Variants in ADGRL3 observed in about 807,000 individuals in gnomAD.
ADGRL3 encodes the protein adhesion G protein-coupled receptor L3, also known as calcium-independent alpha-latrotoxin receptor 3.
Under a neutral mutation model 153.5 loss-of-function variants are expected in ADGRL3, and 62 were observed. That is an observed-to-expected ratio of 0.40 (90% confidence interval 0.33 to 0.50). The LOEUF is 0.50. ADGRL3 is among the 20% of genes least tolerant of loss of function. The pLI is 0.47. For synonymous variants in ADGRL3, 710 were observed against 672.5 expected (o/e 1.06, Z -0.86); for missense variants, 1,641 against 1,859.4 (o/e 0.88, Z 2.16).
At chr4:61,906,797 G>T (rs1430564916) in intron 11 of ADGRL3, among the ~76,000 whole-genome samples, 2 of 151,392 alleles carry the variant, frequency 1.3e-5, no homozygotes, top group Non-Finnish European at 2.9e-5. Flanking sequence ...GTTCTAATCA[G>T]TTTAATTAAT....
At chr4:62,003,562 C>T (rs1016289047) in intron 21 of ADGRL3, among the ~76,000 whole-genome samples, 24 of 152,074 alleles carry the variant, frequency 1.6e-4, no homozygotes, top group African/African-American at 5.6e-4. Flanking sequence ...GTGATAATTA[C>T]ATGAAATCAC....
intron 2 of ADGRL3, among the ~76,000 whole-genome samples, chr4:61,463,444 A>C (rs1027476141): frequency 1.5e-4 from 23 of 152,098 alleles, no homozygotes; most frequent in African/African-American, 4.8e-4. Flanking sequence ...GACTTTTAAC[A>C]ACCAGATCTC....
rs377171934 is a variant in ADGRL3 at position 61,668,806 on chromosome 4, C to A, written c.474-8020C>A. On this transcript the variant is annotated intron_variant, in intron 5 of 26. Transcript: ENST00000683033. Reference sequence around the variant, plus strand: ...GCTGAGGTGGGAGGATTGCTTGAGCCCAGGAGTTTGAGACCAGCCTAGGTA... The same window carrying A: ...GCTGAGGTGGGAGGATTGCTTGAGCACAGGAGTTTGAGACCAGCCTAGGTA... 1.5e-4 allele frequency among the ~76,000 whole-genome samples: 23 copies of A among 152,114 alleles called. 1 individual carries two copies. Among genetic ancestry groups the A allele is most frequent in the African/African-American group, 5.5e-4 (23 of 41,482 alleles).
chr4:61,486,130 G>C (rs1206658139), intron 2 of ADGRL3, among the ~76,000 whole-genome samples: 2 of 152,014 alleles, frequency 1.3e-5, no homozygotes, highest in Non-Finnish European at 2.9e-5. Context: ...ATTTTTAGTA[G>C]AGACGGAGTT....
intron 1 of ADGRL3, among the ~76,000 whole-genome samples, chr4:61,376,804 A>G (rs2096608679): frequency 6.6e-6 from 1 of 152,196 alleles, no homozygotes; most frequent in African/African-American, 2.4e-5. Context: ...GACAATGGCT[A>G]CATAGTTCCT....
rs557209411 is a variant in ADGRL3, at chr4:61,574,751, C to G, written c.260-12476C>G. Among the ~76,000 whole-genome samples the G allele has an allele frequency of 1.3e-4, 20 of 151,868 alleles. No homozygotes were observed. The South Asian group carries it at 3.9e-3, about 30-fold the overall frequency. On this transcript the variant is annotated intron_variant, in intron 4 of 26. Transcript: ENST00000683033. ...CTTGAAGCTGGGGCACATTTCTAGG[C>G]ATTGAAAGGATTCTTTCATGAAAAA...
At chr4:62,060,041 A>G (rs564134789) in intron 25 of ADGRL3, among the ~76,000 whole-genome samples, 1 of 152,116 alleles carries the variant, frequency 6.6e-6, no homozygotes, top group Non-Finnish European at 1.5e-5. Flanking sequence ...CTTTTTTTGA[A>G]TGATTAATCC....
Position 61,726,199 on chromosome 4 carries a change from C to CTTTTTTTTTTCTTTTTTTTTTTT in ADGRL3, c.584-4413_584-4412insCTTTTTTTTTTTTTTTTTTTTTT. On this transcript the variant is annotated intron_variant, in intron 6 of 26. Transcript: ENST00000683033. ...TGCTCAAGGGAAATACTCACTGGAA[C>CTTTTTTTTTTCTTTTTTTTTTTT]TTTTTTTTTTGTTTTTTGAGAAGGA... 2.4e-5 allele frequency among the ~76,000 whole-genome samples: 2 copies of CTTTTTTTTTTCTTTTTTTTTTTT among 82,940 alleles called. 1 individual carries two copies. The highest frequency in any genetic ancestry group is 9.1e-4 in the South Asian group (2 of 2,196). The allele number at this position is 82,940 out of a possible 152,430, so 54.4% of individuals were successfully genotyped here.
Position 62,073,838 on chromosome 4 carries a change from A to G in ADGRL3, c.*2930A>G, listed in dbSNP as rs1188926383. The G allele has an allele frequency of 6.6e-6, 1 of 152,114 alleles. No homozygotes were observed. Among genetic ancestry groups the G allele is most frequent in the Non-Finnish European group, 1.5e-5 (1 of 67,982 alleles). 9.4% of individuals were successfully genotyped at this position (152,114 alleles called of 1,614,324 possible). ...TTGAACTCTATACATCATAAATGGC[A>G]TGCTTTCAGAGAGACTTAAGATCCC... On this transcript the variant is annotated 3_prime_UTR_variant, in exon 27 of 27. Coordinates refer to ENST00000683033, the MANE Select transcript of ADGRL3 (RefSeq NM_001387552.1).
chr4:62,049,820 C>A (rs1733159938), intron 25 of ADGRL3, among the ~76,000 whole-genome samples: 1 of 152,072 alleles, frequency 6.6e-6, no homozygotes, highest in Non-Finnish European at 1.5e-5. Flanking sequence ...AGACCTCTGG[C>A]AAATTGCTTA....
intron 25 of ADGRL3, among the ~76,000 whole-genome samples, chr4:62,050,290 A>T (rs1378750484): frequency 6.6e-6 from 1 of 152,128 alleles, no homozygotes; most frequent in Non-Finnish European, 1.5e-5. Context: ...TAAAGGTAAT[A>T]TATTTCTTCT....
chr4:61,538,853 C>T (rs565329128), intron 4 of ADGRL3, among the ~76,000 whole-genome samples: 1 of 152,252 alleles, frequency 6.6e-6, no homozygotes, highest in South Asian at 2.1e-4. Flanking sequence ...CTGGGGGTGG[C>T]TGGGGAAGAT....
chr4:61,487,887 T>C (rs1373442008), intron 2 of ADGRL3, among the ~76,000 whole-genome samples: 1 of 152,038 alleles, frequency 6.6e-6, no homozygotes, highest in Non-Finnish European at 1.5e-5. Context: ...TCCAAATTAA[T>C]TGATTTTAAC....
intron 21 of ADGRL3, among the ~76,000 whole-genome samples, chr4:62,016,280 C>A (rs2099211286): frequency 6.6e-6 from 1 of 152,158 alleles, no homozygotes. Flanking sequence ...ATCTCTTGAC[C>A]TCATGATCTG....
chr4:61,890,846 C>CT (rs969198151), intron 9 of ADGRL3, among the ~76,000 whole-genome samples: 6 of 151,878 alleles, frequency 4.0e-5, no homozygotes, highest in African/African-American at 7.3e-5. Context: ...CATTGACACA[C>CT]TTTTTTTTAA....
At chr4:61,365,191 T>G (rs192665572) in intron 1 of ADGRL3, among the ~76,000 whole-genome samples, 218 of 152,118 alleles carry the variant, frequency 1.4e-3, no homozygotes, top group Non-Finnish European at 2.4e-3. Context: ...ATAGGAAGAT[T>G]TTAAAAAAAT....
intron 4 of ADGRL3, among the ~76,000 whole-genome samples, chr4:61,518,687 C>T (rs2098512214): frequency 6.6e-6 from 1 of 152,180 alleles, no homozygotes; most frequent in South Asian, 2.1e-4. Context: ...TCAGATTGGC[C>T]TTTCTGCCTT....
rs78066401 is a variant in ADGRL3, at chr4:61,824,220, C to G, written c.1480+10331C>G. Among the ~76,000 whole-genome samples the G allele has an allele frequency of 6.2e-3, 939 of 152,248 alleles. 15 individuals are homozygous for G. Among genetic ancestry groups the G allele is most frequent in the African/African-American group, 0.022 (900 of 41,550 alleles). On this transcript the variant is annotated intron_variant, in intron 9 of 26. Transcript: ENST00000683033. ...AGTTTGAAGACATATCTACTATTTA[C>G]TCACCAAGTGACAAATAATTTTTTG...
intron 2 of ADGRL3, among the ~76,000 whole-genome samples, chr4:61,400,596 T>C (rs971603690): frequency 6.6e-6 from 1 of 151,822 alleles, no homozygotes; most frequent in African/African-American, 2.4e-5. Context: ...GTTATTGTGC[T>C]GCTAATTAGA....
Sources: allele counts gnomAD v4.1 joint callset (sites outside exome capture counted in the v4.1 genomes callset), GRCh38; gene constraint gnomAD v4.1.1; transcripts MANE v1.5; gene names NCBI Gene and HGNC (gene_info 2026-07-23, HGNC 2026-07-21).